The following ZKSCAN8 variants were observed in gnomAD, a reference collection of about 807,000 sequenced individuals.
ZKSCAN8 encodes zinc finger protein with KRAB and SCAN domains 8.
ZKSCAN8 carries 27 observed loss-of-function variants against 57.2 expected under a neutral mutation model. That is an observed-to-expected ratio of 0.47 (90% confidence interval 0.35 to 0.65). The LOEUF (loss-of-function observed/expected upper bound fraction) is 0.65, where lower values mean the gene tolerates loss of function less well. Among genes scored for constraint, ZKSCAN8 ranks in the 30% least tolerant of loss-of-function variants. The pLI is 0.01. For synonymous variants in ZKSCAN8, 214 were observed against 248.7 expected (o/e 0.86, Z 1.31); for missense variants, 597 against 696.3 (o/e 0.86, Z 1.60).
chr6:28,144,839 C>T lies in ZKSCAN8; in HGVS notation c.-93+2810C>T, dbSNP rs1026369601. On this transcript the variant is annotated intron_variant, in intron 1 of 5. Transcript: ENST00000330236. The surrounding 1 kb of genome is among the most constrained non-coding windows in gnomAD (Gnocchi z 4.5). Reference sequence around the variant, plus strand: ...TTGGGAGGCCGAGGCGGGCAGATCACGAGGTCAGGAGATCGAGACCATCCT... The same window carrying T: ...TTGGGAGGCCGAGGCGGGCAGATCATGAGGTCAGGAGATCGAGACCATCCT... Among the ~76,000 whole-genome samples the T allele has an allele frequency of 3.3e-5, 5 of 152,278 alleles. No homozygotes were observed. The highest frequency in any genetic ancestry group is 2.6e-4 in the Admixed American group (4 of 15,296).
In ZKSCAN8 at chr6:28,152,206, G is replaced by A. The variant is rs1474919459; in HGVS notation, c.652-55G>A. The A allele has an allele frequency of 3.2e-6, 5 of 1,564,334 alleles. No individual in the cohort carries two copies. In the African/African-American group the frequency reaches 5.5e-5, roughly 17 times the overall value. ...ACTGGTGGATCTCTCAAGCTCTATA[G>A]GTTTGAGCTGTGGAACAGTCCCAGT... On this transcript the variant is annotated intron_variant, in intron 4 of 5. Transcript: ENST00000330236.
intron 3 of ZKSCAN8, among the ~76,000 whole-genome samples, chr6:28,150,200 G>A (rs1765548920): frequency 6.6e-6 from 1 of 152,044 alleles, no homozygotes; most frequent in Non-Finnish European, 1.5e-5. Context: ...TAGTTGTCAT[G>A]GCTGTTTAGT....
rs1006689397 is a variant in ZKSCAN8 at position 28,144,583 on chromosome 6, A to G, written c.-93+2554A>G. Among the ~76,000 whole-genome samples the G allele has an allele frequency of 9.2e-5, 14 of 152,228 alleles. No individual in the cohort carries two copies. Among genetic ancestry groups the G allele is most frequent in the Non-Finnish European group, 1.9e-4 (13 of 68,032 alleles). ...TCATTCTCTACAGTATCTTTGAAATACAAAGATAATGGTCACCTCTGTCAA... is the reference window on the plus strand; with the variant it reads ...TCATTCTCTACAGTATCTTTGAAATGCAAAGATAATGGTCACCTCTGTCAA... On this transcript the variant is annotated intron_variant, in intron 1 of 5. Coordinates refer to ENST00000330236, the MANE Select transcript of ZKSCAN8 (RefSeq NM_006298.4). This position sits in a 1 kb window ranked among gnomAD's most constrained non-coding sequence, Gnocchi z 4.5.
rs1310935238 is a variant in ZKSCAN8 at position 28,157,613 on chromosome 6, T to C, written c.*3596T>C. 1.3e-5 allele frequency: 2 copies of C among 152,188 alleles called. No homozygotes were observed. Among genetic ancestry groups the C allele is most frequent in the African/African-American group, 4.8e-5 (2 of 41,438 alleles). 9.4% of individuals were successfully genotyped at this position (152,188 alleles called of 1,614,324 possible). ...TCATGAGAGGTACTGGGGAAAAGAA[T>C]GTGCAGTAGAGTGCAAATACATTAC... On this transcript the variant is annotated 3_prime_UTR_variant, in exon 6 of 6. Transcript: ENST00000330236.
chr6:28,143,044 C>G (rs754290672), intron 1 of ZKSCAN8, among the ~76,000 whole-genome samples: 1 of 152,158 alleles, frequency 6.6e-6, no homozygotes, highest in Non-Finnish European at 1.5e-5. Flanking sequence ...CCTTCAGCAT[C>G]TCACAGGATT....
chr6:28,159,248 T>C lies in ZKSCAN8; in HGVS notation c.*5231T>C, dbSNP rs868438238. The C allele has an allele frequency of 6.6e-6, 1 of 151,224 alleles. No individual in the cohort carries two copies. The highest frequency in any genetic ancestry group is 6.6e-5 in the Admixed American group (1 of 15,180). The allele number at this position is 151,224 out of a possible 1,614,324, so 9.4% of individuals were successfully genotyped here. On this transcript the variant is annotated 3_prime_UTR_variant, in exon 6 of 6. Coordinates refer to ENST00000330236, the MANE Select transcript of ZKSCAN8 (RefSeq NM_006298.4). ...TGCCTCAGCACTTATCTTTTGAGTT[T>C]GTACTGTGGTCCATGTACTTACTAA...
chr6:28,153,552 C>T lies in ZKSCAN8; in HGVS notation c.1272C>T (p.His424=). 6.2e-7 allele frequency: 1 copy of T among 1,613,044 alleles called. No individual in the cohort carries two copies. Among genetic ancestry groups the T allele is most frequent in the Non-Finnish European group, 8.5e-7 (1 of 1,179,788 alleles). The change falls in exon 6 of 6, where the codon CAC becomes CAT. Residue 424 remains histidine (H), a synonymous_variant. Coordinates refer to ENST00000330236, the MANE Select transcript of ZKSCAN8 (RefSeq NM_006298.4). ...AFSQSAGLIL[H]QRIHSGERPY... Reference sequence around the variant, plus strand: ...GTCAGAGTGCGGGCCTTATTCTGCACCAGAGAATCCACAGTGGAGAGAGAC... The same window carrying T: ...GTCAGAGTGCGGGCCTTATTCTGCATCAGAGAATCCACAGTGGAGAGAGAC...
At chr6:28,146,181 T>C (rs1350561266) in intron 1 of ZKSCAN8, among the ~76,000 whole-genome samples, 1 of 152,238 alleles carries the variant, frequency 6.6e-6, no homozygotes, top group Non-Finnish European at 1.5e-5. Flanking sequence ...GTTCTGTGTT[T>C]GCAATTGTAA....
rs1407767834 is a variant in ZKSCAN8 at position 28,159,107 on chromosome 6, TCTTTGG to T, written c.*5091_*5096del. On this transcript the variant is annotated 3_prime_UTR_variant, in exon 6 of 6. Coordinates refer to ENST00000330236, the MANE Select transcript of ZKSCAN8 (RefSeq NM_006298.4). The stretch of plus-strand genomic sequence containing the variant: ...ATGCTATTCTTTTTGCTTAGATTGC[TCTTTGG>T]TCCCAGCTCATGTTCATCACTCCCT... 1.3e-5 allele frequency: 2 copies of T among 152,310 alleles called. No individual in the cohort carries two copies. The highest frequency in any genetic ancestry group is 2.9e-5 in the Non-Finnish European group (2 of 68,096). The allele number at this position is 152,310 out of a possible 1,614,324, so 9.4% of individuals were successfully genotyped here.
At chr6:28,147,239 A>G (rs1309200138) in intron 1 of ZKSCAN8, among the ~76,000 whole-genome samples, 2 of 150,822 alleles carry the variant, frequency 1.3e-5, no homozygotes, top group Non-Finnish European at 1.5e-5. Flanking sequence ...AAGAAGATAT[A>G]TAGATGTTAA....
chr6:28,146,766 T>A (rs967482181), intron 1 of ZKSCAN8, among the ~76,000 whole-genome samples: 1 of 152,140 alleles, frequency 6.6e-6, no homozygotes, highest in African/African-American at 2.4e-5. Flanking sequence ...GATGTATAGG[T>A]CAATAAACAG....
chr6:28,149,660 A>C, intron 3 of ZKSCAN8, 36 bp downstream of exon 3: 1 of 1,610,408 alleles, frequency 6.2e-7, no homozygotes, highest in Non-Finnish European at 8.5e-7. Flanking sequence ...TAAGGGGGGG[A>C]AGTACAAATA....
chr6:28,141,907 T>A lies in ZKSCAN8; in HGVS notation c.-215T>A. 1 of 152,596 alleles carries A rather than the reference T, an allele frequency of 6.6e-6. No individual in the cohort carries two copies. Among genetic ancestry groups the A allele is most frequent in the East Asian group, 1.9e-4 (1 of 5,196 alleles). The allele number at this position is 152,596 out of a possible 1,614,324, so 9.5% of individuals were successfully genotyped here. A position where few individuals can be genotyped will look rare whatever the true frequency, so the allele number is the denominator to read the frequency against. On this transcript the variant is annotated 5_prime_UTR_variant, in exon 1 of 6. Coordinates refer to ENST00000330236, the MANE Select transcript of ZKSCAN8 (RefSeq NM_006298.4). The stretch of plus-strand genomic sequence containing the variant: ...TGTTGTGCCTCCGCAGATTTAGAAG[T>A]TAGTGGCCGGAGGGGCCTGGTCCGA...
rs1223225660 is a variant in ZKSCAN8 at position 28,153,901 on chromosome 6, A to G, written c.1621A>G (p.Thr541Ala). The change falls in exon 6 of 6, where the codon ACA becomes GCA. Residue 541 changes from threonine (T) to alanine (A), a missense_variant. Transcript: ENST00000330236. ...TCTCATTCAACACCTGAGAATTCAC[A>G]CAGGGGAGAAGCCCTACCAATGTAA... ...TGLIQHLRIH[T>A]GEKPYQCNEC... is the part of the protein sequence containing the mutation. The G allele has an allele frequency of 1.9e-6, 3 of 1,614,098 alleles. No individual in the cohort carries two copies. The highest frequency in any genetic ancestry group is 2.5e-6 in the Non-Finnish European group (3 of 1,180,034).
rs763017257 is a variant in ZKSCAN8, at chr6:28,149,589, A to G, written c.524A>G (p.His175Arg). 7.4e-6 allele frequency: 12 copies of G among 1,614,022 alleles called. No individual in the cohort carries two copies. The highest frequency in any genetic ancestry group is 5.0e-5 in the Admixed American group (3 of 60,002). ...NTQLQSEATQ[H>R]KSPVPQESQE... ...CAGCTCCAATCTGAGGCAACCCAACATAAATCTCCAGTGCCCCAAGAGTCA... is the reference window on the plus strand; with the variant it reads ...CAGCTCCAATCTGAGGCAACCCAACGTAAATCTCCAGTGCCCCAAGAGTCA... Residue 175 changes from histidine (H) to arginine (R), a missense_variant, in exon 3 of 6, where the codon CAT becomes CGT. Transcript: ENST00000330236.
In ZKSCAN8 at chr6:28,148,762, G is replaced by A. The variant is rs1765490829; in HGVS notation, c.355G>A (p.Gly119Arg). ...TLVKEHQLEN[G>R]EEVVTLLEDL... Reference sequence around the variant, plus strand: ...GGTTAAGGAACATCAGCTAGAGAACGGAGAGGAGGTGGTGACCCTATTAGA... The same window carrying A: ...GGTTAAGGAACATCAGCTAGAGAACAGAGAGGAGGTGGTGACCCTATTAGA... The change falls in exon 2 of 6, where the codon GGA becomes AGA. Residue 119 changes from glycine (G) to arginine (R), a missense_variant. Gly to Arg is a moderately radical substitution (Grantham distance 125, BLOSUM62 -2). Transcript: ENST00000330236. The A allele has an allele frequency of 3.1e-6, 5 of 1,614,130 alleles. No homozygotes were observed. The highest frequency in any genetic ancestry group is 1.7e-5 in the Admixed American group (1 of 60,024).
rs1765705477 is a variant in ZKSCAN8 at position 28,154,172 on chromosome 6, T to A, written c.*155T>A. 1 of 1,115,216 alleles carries A rather than the reference T, an allele frequency of 9.0e-7. No homozygotes were observed. Among genetic ancestry groups the A allele is most frequent in the Admixed American group, 2.6e-5 (1 of 38,384 alleles). The allele number at this position is 1,115,216 out of a possible 1,614,324, so 69.1% of individuals were successfully genotyped here. ...AAGTTAGGATAGCTCTTTAGTAATT[T>A]GGGCCCAGTGCCTTGGTGAAGGTTG... On this transcript the variant is annotated 3_prime_UTR_variant, in exon 6 of 6. Transcript: ENST00000330236.
intron 3 of ZKSCAN8, 54 bp downstream of exon 3, chr6:28,149,678 A>G (rs1765529312): frequency 3.1e-6 from 5 of 1,599,902 alleles, no homozygotes; most frequent in African/African-American, 1.3e-5. Flanking sequence ...ATAAAAGTCC[A>G]TTTGGGATAC....
chr6:28,147,731 C>T (rs1169157009), intron 1 of ZKSCAN8, among the ~76,000 whole-genome samples: 3 of 152,102 alleles, frequency 2.0e-5, no homozygotes, highest in African/African-American at 7.2e-5. Flanking sequence ...TGGAGTGCTC[C>T]ATAGAGAGTT....
Sources: gnomAD v4.1 joint callset for allele counts (sites outside exome capture counted in the v4.1 genomes callset) on GRCh38, gnomAD v4.1.1 for gene constraint, Gnocchi (gnomAD v3.1) non-coding constraint, MANE v1.5 for transcripts, NCBI Gene and HGNC (gene_info 2026-07-23, HGNC 2026-07-21) for gene names.